LATS1: variants seen among roughly 807,000 people sequenced by gnomAD.
The protein encoded by LATS1 is large tumor suppressor kinase 1, also known as serine/threonine-protein kinase LATS1.
In LATS1, 25 loss-of-function variants were observed where a neutral mutation model predicts 106.6. The ratio of observed to expected loss-of-function variants is 0.23; its 90% CI spans 0.17 to 0.33. LATS1 has a LOEUF of 0.33. Ranked by LOEUF, LATS1 falls within the 10% of genes least tolerant of loss-of-function variation. The probability of loss-of-function intolerance (pLI) is 1.00; values close to 1 mark genes in which losing one functional copy is unlikely to be tolerated. For synonymous variants in LATS1, 465 were observed against 455.6 expected, an observed-to-expected ratio of 1.02 and a Z score of -0.26; for missense variants, 1,040 against 1,382.6, an observed-to-expected ratio of 0.75 and a Z score of 3.93.
intron 7 of LATS1, among the ~76,000 whole-genome samples, chr6:149,671,665 C>G (rs563978211): frequency 6.6e-6 from 1 of 151,692 alleles, no homozygotes; most frequent in African/African-American, 2.4e-5. Flanking sequence ...GTAGTTGAAC[C>G]CTCCAACTTT....
At chr6:149,678,229 A>G (rs1312533986) in intron 5 of LATS1, among the ~76,000 whole-genome samples, 1 of 149,250 alleles carries the variant, frequency 6.7e-6, no homozygotes, top group Non-Finnish European at 1.5e-5. Flanking sequence ...CTGTAGTCCC[A>G]ACTACTCGGG....
intron 7 of LATS1, among the ~76,000 whole-genome samples, chr6:149,667,519 G>GA (rs1208928531): frequency 7.1e-6 from 1 of 140,916 alleles, no homozygotes; most frequent in Non-Finnish European, 1.5e-5. Flanking sequence ...CTGAACAGCA[G>GA]AAAAAACAAA....
chr6:149,703,082 T>A (rs1562352324), intron 1 of LATS1, among the ~76,000 whole-genome samples: 1 of 151,696 alleles, frequency 6.6e-6, no homozygotes, highest in East Asian at 1.9e-4. Flanking sequence ...CAAGTGATTC[T>A]CATGCCTCAG....
chr6:149,704,515 C>G (rs1211639073), intron 1 of LATS1, among the ~76,000 whole-genome samples: 5 of 141,778 alleles, frequency 3.5e-5, no homozygotes, highest in Non-Finnish European at 7.6e-5. Flanking sequence ...GAGACAGGGT[C>G]TCATTCTGTT....
At position 149,660,080 on chromosome 6, in the gene LATS1, T is replaced by C; in HGVS notation, c.*1649A>G. On this transcript the variant is annotated 3_prime_UTR_variant, in exon 8 of 8. Coordinates refer to ENST00000543571, the MANE Select transcript of LATS1 (RefSeq NM_004690.4). ...TATCAATTTTCTCATGGCACAGAGG[T>C]CCATAACCTACAGCCTGTGATAGGT... 4.3e-6 allele frequency: 1 copy of C among 232,486 alleles called. No individual in the cohort carries two copies. The highest frequency in any genetic ancestry group is 6.1e-5 in the East Asian group (1 of 16,416). The allele number at this position is 232,486 out of a possible 1,614,324, so 14.4% of individuals were successfully genotyped here.
chr6:149,681,821 A>G (rs887520011), intron 4 of LATS1, among the ~76,000 whole-genome samples: 9 of 152,198 alleles, frequency 5.9e-5, no homozygotes, highest in African/African-American at 2.2e-4. Context: ...AGCATATGAT[A>G]AAAACAATAA....
rs781644338 is a variant in LATS1, at chr6:149,697,796, C to T, written c.349-2575G>A. Among the ~76,000 whole-genome samples, 12 of 151,736 alleles carry T rather than the reference C, an allele frequency of 7.9e-5. No homozygotes were observed. In the East Asian group the frequency reaches 9.8e-4, roughly 12 times the overall value. ...GTCGCCTGGGGTTGGAGTGCAGTGG[C>T]GTGATCTCAGCTCACGACAATCTCC... On this transcript the variant is annotated intron_variant, in intron 2 of 7. Transcript: ENST00000543571.
intron 7 of LATS1, among the ~76,000 whole-genome samples, chr6:149,666,139 C>CAG (rs1781132853): frequency 5.3e-5 from 3 of 57,108 alleles, no homozygotes; most frequent in Non-Finnish European, 9.6e-5. Flanking sequence ...ACTCCGTCTC[C>CAG]AAAAAAAAAA....
In LATS1 at chr6:149,702,010, C is replaced by A; in HGVS notation, c.117G>T (p.Arg39Ser). The change falls in exon 2 of 8, where the codon AGG (arginine) becomes AGT (serine). Residue 39 changes from arginine (R) to serine (S), a missense_variant. Arg to Ser is a moderately radical substitution (Grantham distance 110). Around this residue, in one of 7 missense-constraint regions of LATS1, gnomAD observed 624 missense variants for 714.8 expected, o/e 0.87. Coordinates refer to ENST00000543571, the MANE Select transcript of LATS1 (RefSeq NM_004690.4). The stretch of plus-strand genomic sequence containing the variant: ...CAGCATCAGATGGTTTAGATAAATT[C>A]CTAAGGGATTCCCGAATTTCTTGTA... Reference protein sequence around the residue: ...QMLQEIRESLRNLSKPSDAAK... With the variant: ...QMLQEIRESLSNLSKPSDAAK... The A allele has an allele frequency of 6.2e-7, 1 of 1,614,108 alleles. No individual in the cohort carries two copies. The highest frequency in any genetic ancestry group is 8.5e-7 in the Non-Finnish European group (1 of 1,180,018).
At chr6:149,699,609 T>C (rs1783330127) in intron 2 of LATS1, among the ~76,000 whole-genome samples, 2 of 152,238 alleles carry the variant, frequency 1.3e-5, no homozygotes, top group African/African-American at 4.8e-5. Context: ...AAAGCTATCA[T>C]TTGTGTAGTA....
chr6:149,664,835 C>T (rs1344127157), intron 7 of LATS1, among the ~76,000 whole-genome samples: 3 of 152,132 alleles, frequency 2.0e-5, no homozygotes, highest in Admixed American at 1.3e-4. Context: ...GACTACAGGC[C>T]TCTGCCAGCA....
rs1490389858 is a variant in LATS1, at chr6:149,662,224, T to C, written c.2898A>G (p.Gln966=). 4 of 1,601,834 alleles carry C rather than the reference T, an allele frequency of 2.5e-6. No homozygotes were observed. Among genetic ancestry groups the C allele is most frequent in the East Asian group, 2.2e-5 (1 of 44,794 alleles). Residue 966 remains glutamine, a synonymous_variant, in exon 8 of 8, where the codon CAA becomes CAG. Coordinates refer to ENST00000543571, the MANE Select transcript of LATS1 (RefSeq NM_004690.4). ...LETQMKVINW[Q]TSLHIPPQAK... is the part of the protein sequence containing the mutation. ...CTTGTGGTGGAATGTGAAGAGATGT[T>C]TGCCAGTTGATAACCTTTAAAGATT... is the stretch of plus-strand genomic sequence containing the variant.
chr6:149,691,021 T>C (rs1391334528), intron 3 of LATS1, among the ~76,000 whole-genome samples: 1 of 152,058 alleles, frequency 6.6e-6, no homozygotes, highest in Non-Finnish European at 1.5e-5. Context: ...TACTACTACA[T>C]ATCCTATTTA....
chr6:149,680,128 A>G lies in LATS1; in HGVS notation c.2340T>C (p.Phe780=). The G allele has an allele frequency of 6.2e-7, 1 of 1,613,714 alleles. No homozygotes were observed. The highest frequency in any genetic ancestry group is 8.5e-7 in the Non-Finnish European group (1 of 1,179,776). Residue 780 remains phenylalanine, a synonymous_variant, in exon 5 of 8, where the codon TTT becomes TTC. Transcript: ENST00000543571. The part of the protein sequence containing the change: ...YSFQDKDNLY[F]VMDYIPGGDM... ...CACCCCCAGGAATGTAGTCCATTACAAAGTATAAATTGTCCTTATCTTGGA... is the reference window on the plus strand; with the variant it reads ...CACCCCCAGGAATGTAGTCCATTACGAAGTATAAATTGTCCTTATCTTGGA...
intron 2 of LATS1, among the ~76,000 whole-genome samples, chr6:149,699,437 C>T (rs934694247): frequency 6.6e-6 from 1 of 151,650 alleles, no homozygotes; most frequent in South Asian, 2.1e-4. Context: ...TCTGCCCTCC[C>T]CAAGTTTGCA....
chr6:149,690,186 T>C (rs79908160), intron 3 of LATS1, among the ~76,000 whole-genome samples: 3,101 of 151,590 alleles, frequency 0.02, 129 homozygotes, highest in African/African-American at 0.07. Flanking sequence ...TTTAAACATA[T>C]ACATATATGT....
intron 1 of LATS1, among the ~76,000 whole-genome samples, chr6:149,704,034 G>A (rs986155687): frequency 1.1e-4 from 17 of 152,034 alleles, no homozygotes; most frequent in East Asian, 3.9e-4. Context: ...ATGGAGTTTC[G>A]CTCTTGTTCC....
Position 149,662,246 on chromosome 6 carries a change from G to C in LATS1, c.2884-8C>G. Reference sequence around the variant, plus strand: ...TGTTTGCCAGTTGATAACCTTTAAAGATTTTTTAAAATTAGGGGGAAGAGA... The same window carrying C: ...TGTTTGCCAGTTGATAACCTTTAAACATTTTTTAAAATTAGGGGGAAGAGA... On this transcript the variant is annotated splice_region_variant and splice_polypyrimidine_tract_variant and intron_variant, in intron 7 of 7. Transcript: ENST00000543571. The C allele has an allele frequency of 6.4e-7, 1 of 1,554,096 alleles. No individual in the cohort carries two copies. The highest frequency in any genetic ancestry group is 8.6e-7 in the Non-Finnish European group (1 of 1,156,424).
intron 7 of LATS1, among the ~76,000 whole-genome samples, chr6:149,673,010 T>C (rs1282206578): frequency 2.0e-5 from 3 of 151,916 alleles, no homozygotes; most frequent in Admixed American, 1.3e-4. Flanking sequence ...CACCTATAGA[T>C]TCCCTGGGAT....
Sources: allele counts gnomAD v4.1 joint callset (sites outside exome capture counted in the v4.1 genomes callset), GRCh38; gene constraint gnomAD v4.1.1; regional missense constraint gnomAD v4.1.1; transcripts MANE v1.5; gene names NCBI Gene and HGNC (gene_info 2026-07-23, HGNC 2026-07-21).